CSGALNACT2: variants seen among roughly 807,000 people sequenced by gnomAD.
CSGALNACT2 encodes the protein chondroitin sulfate N-acetylgalactosaminyltransferase 2.
A neutral mutation model predicts 55.3 loss-of-function variants in CSGALNACT2; 35 were observed. The observed-to-expected ratio is 0.63, with a 90% CI of 0.48 to 0.84. The LOEUF (loss-of-function observed/expected upper bound fraction) is 0.84. Ranked by LOEUF, CSGALNACT2 falls within the 40% of genes least tolerant of loss-of-function variation. The probability of loss-of-function intolerance (pLI) is 0.00; values close to 1 mark genes in which losing one functional copy is unlikely to be tolerated. For synonymous variants in CSGALNACT2, 196 were observed against 224.9 expected, an observed-to-expected ratio of 0.87 and a Z score of 1.15; for missense variants, 544 against 657.5, an observed-to-expected ratio of 0.83 and a Z score of 1.89.
rs1455100308 is a variant in CSGALNACT2 at position 43,153,103 on chromosome 10, A to G, written c.-253-1794A>G. ...GCCAGGCGCGGTGGCTAATCCCAGC[A>G]CTTTGGGAGGCCGAGGCGGGCGGAT... is the stretch of plus-strand genomic sequence containing the variant. On this transcript the variant is annotated intron_variant, in intron 1 of 7. Coordinates refer to ENST00000374466, the MANE Select transcript of CSGALNACT2 (RefSeq NM_018590.5). Among the ~76,000 whole-genome samples the G allele has an allele frequency of 2.0e-5, 3 of 152,052 alleles. No homozygotes were observed. The East Asian group carries it at 5.8e-4, about 29-fold the overall frequency.
chr10:43,166,869 G>A (rs1839275723), intron 5 of CSGALNACT2, 135 bp from the exon 6 acceptor site: 2 of 528,686 alleles, frequency 3.8e-6, no homozygotes, highest in Non-Finnish European at 6.8e-6. Context: ...TTAACATGAT[G>A]TTCTGTAGCC....
chr10:43,176,062 C>G (rs753411642), intron 7 of CSGALNACT2, 30 bp downstream of exon 7: 2 of 1,512,742 alleles, frequency 1.3e-6, no homozygotes, highest in South Asian at 1.2e-5. Flanking sequence ...AAGGATAGGA[C>G]TTTATTTACT....
intron 1 of CSGALNACT2, among the ~76,000 whole-genome samples, chr10:43,139,684 ATTCTAAC>A (rs1838575167): frequency 6.6e-6 from 1 of 152,126 alleles, no homozygotes; most frequent in Admixed American, 6.5e-5. Flanking sequence ...TCCCATCTGT[ATTCTAAC>A]TTCTCTTATC....
At chr10:43,160,414 T>C in intron 3 of CSGALNACT2, 80 bp from the exon 4 acceptor site, 1 of 732,566 alleles carries the variant, frequency 1.4e-6, no homozygotes, top group Admixed American at 2.4e-5. Flanking sequence ...ATTTTCTTGT[T>C]AAAGCTTCAT....
chr10:43,166,964 A>G (rs769637120), intron 5 of CSGALNACT2, 40 bp from the exon 6 acceptor site: 17 of 1,254,880 alleles, frequency 1.4e-5, no homozygotes, highest in Non-Finnish European at 2.0e-5. Flanking sequence ...AGTTCTTCAT[A>G]ACTTCTTTTT....
At chr10:43,155,890 T>C in intron 2 of CSGALNACT2, 80 bp downstream of exon 2, 1 of 1,173,408 alleles carries the variant, frequency 8.5e-7, no homozygotes, top group South Asian at 1.5e-5. Context: ...TATTGTAGTA[T>C]TGTACTGTAG....
intron 5 of CSGALNACT2, among the ~76,000 whole-genome samples, chr10:43,164,409 T>G (rs1839215505): frequency 6.6e-6 from 1 of 152,180 alleles, no homozygotes; most frequent in Non-Finnish European, 1.5e-5. Context: ...TTTGGGCATA[T>G]AGCGTCCACA....
intron 7 of CSGALNACT2, among the ~76,000 whole-genome samples, chr10:43,176,389 A>AT (rs1412488377): frequency 6.6e-6 from 1 of 152,128 alleles, no homozygotes; most frequent in African/African-American, 2.4e-5. Flanking sequence ...GCTGGGAGTA[A>AT]TCTTGGTTAT....
chr10:43,170,805 A>G (rs764366339), intron 6 of CSGALNACT2, among the ~76,000 whole-genome samples: 21 of 152,234 alleles, frequency 1.4e-4, no homozygotes, highest in Non-Finnish European at 2.8e-4. Flanking sequence ...ACATGACATA[A>G]TGAGAAGGAC....
chr10:43,151,367 A>G (rs902102665), intron 1 of CSGALNACT2, among the ~76,000 whole-genome samples: 12 of 152,128 alleles, frequency 7.9e-5, no homozygotes, highest in African/African-American at 2.9e-4. Context: ...TGCTTTTAAG[A>G]TGTATTGGCA....
intron 1 of CSGALNACT2, among the ~76,000 whole-genome samples, chr10:43,152,164 A>T (rs1838889104): frequency 6.6e-6 from 1 of 152,154 alleles, no homozygotes; most frequent in African/African-American, 2.4e-5. Flanking sequence ...AACTATCTGC[A>T]TTTGTGCTTA....
intron 1 of CSGALNACT2, among the ~76,000 whole-genome samples, chr10:43,151,539 C>G (rs1838873920): frequency 6.6e-6 from 1 of 152,102 alleles, no homozygotes; most frequent in African/African-American, 2.4e-5. Context: ...GTTCTGTGTC[C>G]TCTAATTTTG....
rs1333192220 is a variant in CSGALNACT2 at position 43,185,046 on chromosome 10, C to T, written c.*1504C>T. 1 of 151,844 alleles carries T rather than the reference C, an allele frequency of 6.6e-6. No homozygotes were observed. Among genetic ancestry groups the T allele is most frequent in the Non-Finnish European group, 1.5e-5 (1 of 67,946 alleles). The allele number at this position is 151,844 out of a possible 1,614,324, so 9.4% of individuals were successfully genotyped here. ...ATGTTCTCTGCAAAATAATTCAGGC[C>T]ACTGTCTCCTTTTATATATTATTAT... On this transcript the variant is annotated 3_prime_UTR_variant, in exon 8 of 8. Transcript: ENST00000374466.
At chr10:43,152,641 T>C (rs924068491) in intron 1 of CSGALNACT2, among the ~76,000 whole-genome samples, 1 of 152,198 alleles carries the variant, frequency 6.6e-6, no homozygotes, top group African/African-American at 2.4e-5. Flanking sequence ...GCTCATAGTC[T>C]AAAATACATT....
chr10:43,170,236 C>G (rs1034205798), intron 6 of CSGALNACT2, among the ~76,000 whole-genome samples: 1 of 152,172 alleles, frequency 6.6e-6, no homozygotes, highest in Non-Finnish European at 1.5e-5. Context: ...GGCCTAGAAC[C>G]AGTGACACCC....
At chr10:43,145,137 G>GT (rs1838716625) in intron 1 of CSGALNACT2, among the ~76,000 whole-genome samples, 1 of 152,126 alleles carries the variant, frequency 6.6e-6, no homozygotes, top group South Asian at 2.1e-4. Flanking sequence ...TATTGTTAAA[G>GT]TATAAACTGA....
chr10:43,144,603 A>G (rs1249144682), intron 1 of CSGALNACT2, among the ~76,000 whole-genome samples: 1 of 152,150 alleles, frequency 6.6e-6, no homozygotes, highest in African/African-American at 2.4e-5. Context: ...CCTTTTTGGC[A>G]CTGCTACTGA....
chr10:43,144,777 T>A (rs527401582), intron 1 of CSGALNACT2, among the ~76,000 whole-genome samples: 18 of 152,232 alleles, frequency 1.2e-4, no homozygotes, highest in African/African-American at 4.3e-4. Context: ...TCCCAAAAGT[T>A]TTTTCACCCC....
At chr10:43,157,359 T>C (rs1439443333) in intron 2 of CSGALNACT2, among the ~76,000 whole-genome samples, 1 of 152,220 alleles carries the variant, frequency 6.6e-6, no homozygotes, top group Non-Finnish European at 1.5e-5. Flanking sequence ...ATGGAACATA[T>C]TCTGTTCCTC....
Sources: gnomAD v4.1 joint callset for allele counts (sites outside exome capture counted in the v4.1 genomes callset) on GRCh38, gnomAD v4.1.1 for gene constraint, MANE v1.5 for transcripts, NCBI Gene and HGNC (gene_info 2026-07-23, HGNC 2026-07-21) for gene names.